The following FHIP1A variants were observed in gnomAD, a reference collection of about 807,000 sequenced individuals.
The protein encoded by FHIP1A is FHF complex subunit HOOK-interacting protein 1A.
FHIP1A carries 61 observed loss-of-function variants against 88.6 expected under a neutral mutation model. That is an observed-to-expected ratio of 0.69 (90% confidence interval 0.56 to 0.85). The LOEUF is 0.85. Among genes scored for constraint, FHIP1A ranks in the 40% least tolerant of loss-of-function variants. FHIP1A has a pLI of 0.00. For missense variants in FHIP1A, 1,154 were observed against 1,273.5 expected (o/e 0.91, Z 1.43); for synonymous variants, 478 against 496.0 (o/e 0.96, Z 0.48).
At chr4:151,641,764 A>G (rs1736596330) in intron 9 of FHIP1A, among the ~76,000 whole-genome samples, 1 of 152,232 alleles carries the variant, frequency 6.6e-6, no homozygotes, top group Non-Finnish European at 1.5e-5. Flanking sequence ...CCAATAAAAA[A>G]ATCTTTATTC....
intron 11 of FHIP1A, among the ~76,000 whole-genome samples, chr4:151,653,429 A>C (rs1381290882): frequency 6.6e-6 from 1 of 151,974 alleles, no homozygotes; most frequent in African/African-American, 2.4e-5. Context: ...GCATTGGGTA[A>C]GAGCACTGGA....
intron 2 of FHIP1A, among the ~76,000 whole-genome samples, chr4:151,465,334 TC>T (rs1168318883): frequency 2.8e-4 from 42 of 152,136 alleles, no homozygotes; most frequent in African/African-American, 9.9e-4. Flanking sequence ...CGAGATCGAA[TC>T]CCTGAAGAGA....
chr4:151,543,019 A>C (rs1332323419), intron 3 of FHIP1A, among the ~76,000 whole-genome samples: 1 of 152,194 alleles, frequency 6.6e-6, no homozygotes, highest in African/African-American at 2.4e-5. Context: ...TGCCCTTCTA[A>C]TAATTATGTT....
rs1344988984 is a variant in FHIP1A at position 151,662,763 on chromosome 4, T to TC, written c.*9_*10insC. ...AGGACTCCTGCTGTTAGCTTTTTTT[T>TC]TTTTTTTTAATAGAGGTTCTTGTTT... On this transcript the variant is annotated 3_prime_UTR_variant, in exon 14 of 14. Transcript: ENST00000435205. 6.8e-7 allele frequency: 1 copy of TC among 1,476,216 alleles called. No homozygotes were observed. Among genetic ancestry groups the TC allele is most frequent in the East Asian group, 2.5e-5 (1 of 39,550 alleles). The allele number at this position is 1,476,216 out of a possible 1,614,324, so 91.4% of individuals were successfully genotyped here.
chr4:151,650,239 C>T lies in FHIP1A; in HGVS notation c.2198C>T (p.Pro733Leu). ...AACTCAGAGTTAGCATCCCCTGCCC[C>T]TGAGGCAGAGCACAGCTCTAACCTG... The part of the protein sequence containing the change: ...ESNSELASPA[P>L]EAEHSSNLTA... The change falls in exon 11 of 14, where the codon CCT becomes CTT. Residue 733 changes from proline to leucine, a missense_variant. Physicochemically the swap from Pro to Leu is moderately conservative, Grantham distance 98. Transcript: ENST00000435205. The T allele has an allele frequency of 6.4e-7, 1 of 1,551,760 alleles. No individual in the cohort carries two copies.
chr4:151,631,180 A>T (rs1462306940), intron 8 of FHIP1A, among the ~76,000 whole-genome samples: 1 of 152,148 alleles, frequency 6.6e-6, no homozygotes, highest in East Asian at 1.9e-4. Context: ...AATTAAAAAA[A>T]TGGAGAAAAT....
chr4:151,591,674 C>G (rs929657984), intron 7 of FHIP1A, among the ~76,000 whole-genome samples: 4 of 152,166 alleles, frequency 2.6e-5, no homozygotes, highest in Non-Finnish European at 4.4e-5. Flanking sequence ...TCGTTCAACT[C>G]CCACTTATGA....
chr4:151,566,268 A>G lies in FHIP1A; in HGVS notation c.9A>G (p.Ser3=), dbSNP rs1303579084. ...TTGATTTATGAAGGCTTATGATGTC[A>G]TCGGTTTCGACAGAAAGCAAACTCC... MM[S]SVSTESKLQQ... Residue 3 remains serine, a synonymous_variant, in exon 4 of 14, where the codon TCA becomes TCG. Coordinates refer to ENST00000435205, the MANE Select transcript of FHIP1A (RefSeq NM_001109977.3). The G allele has an allele frequency of 1.9e-6, 3 of 1,548,274 alleles. No homozygotes were observed. The highest frequency in any genetic ancestry group is 2.4e-5 in the East Asian group (1 of 40,886).
intron 10 of FHIP1A, among the ~76,000 whole-genome samples, chr4:151,647,046 G>A (rs943418739): frequency 2.6e-5 from 4 of 152,252 alleles, no homozygotes; most frequent in South Asian, 4.2e-4. Context: ...GAAACAAGAC[G>A]GGGGTGAGAG....
At chr4:151,560,322 T>C (rs924953244) in intron 3 of FHIP1A, among the ~76,000 whole-genome samples, 1 of 152,184 alleles carries the variant, frequency 6.6e-6, no homozygotes, top group African/African-American at 2.4e-5. Context: ...TAATTCTGAT[T>C]GACAAAACTG....
At chr4:151,500,081 A>G (rs571697474) in intron 3 of FHIP1A, among the ~76,000 whole-genome samples, 66 of 152,318 alleles carry the variant, frequency 4.3e-4, no homozygotes, top group Non-Finnish European at 7.8e-4. Context: ...GTCTTTGACT[A>G]TTGTCAGGTA....
intron 7 of FHIP1A, among the ~76,000 whole-genome samples, chr4:151,600,537 T>A (rs569815522): frequency 3.3e-5 from 5 of 152,322 alleles, no homozygotes; most frequent in African/African-American, 1.2e-4. Context: ...TAGCACTGTA[T>A]AATAAACTAT....
chr4:151,494,167 TTGTC>T (rs1339089027), intron 3 of FHIP1A, among the ~76,000 whole-genome samples: 3 of 152,222 alleles, frequency 2.0e-5, no homozygotes, highest in Admixed American at 6.5e-5. Flanking sequence ...ATTCTGTAGT[TTGTC>T]TGTTTACTCT....
intron 3 of FHIP1A, among the ~76,000 whole-genome samples, chr4:151,546,292 G>A (rs1732499745): frequency 6.6e-6 from 1 of 152,100 alleles, no homozygotes; most frequent in Non-Finnish European, 1.5e-5. Flanking sequence ...TCAGGCCTTT[G>A]GCCTTAGACT....
chr4:151,426,205 G>A (rs1733368315), intron 1 of FHIP1A, among the ~76,000 whole-genome samples: 1 of 151,836 alleles, frequency 6.6e-6, no homozygotes, highest in African/African-American at 2.4e-5. Context: ...TCATTGTATG[G>A]GTCTCTCTAC....
chr4:151,605,072 A>G (rs1735021191), intron 7 of FHIP1A, among the ~76,000 whole-genome samples: 3 of 152,214 alleles, frequency 2.0e-5, no homozygotes, highest in African/African-American at 7.2e-5. Flanking sequence ...AGACCCGTAG[A>G]GAGTTGGCAG....
At chr4:151,529,459 A>G (rs2126709581) in intron 3 of FHIP1A, among the ~76,000 whole-genome samples, 1 of 152,314 alleles carries the variant, frequency 6.6e-6, no homozygotes, top group African/African-American at 2.4e-5. Flanking sequence ...AGGCTGAGCT[A>G]ATTCATGATT....
intron 2 of FHIP1A, among the ~76,000 whole-genome samples, chr4:151,478,699 T>C (rs1729796101): frequency 6.6e-6 from 1 of 152,132 alleles, no homozygotes; most frequent in African/African-American, 2.4e-5. Context: ...GTACTGTGTT[T>C]TGTGAATATT....
chr4:151,514,139 A>G (rs1731138319), intron 3 of FHIP1A, among the ~76,000 whole-genome samples: 1 of 152,234 alleles, frequency 6.6e-6, no homozygotes, highest in African/African-American at 2.4e-5. Flanking sequence ...AGAACTCAGG[A>G]TTAAGAAACT....
Sources: allele counts gnomAD v4.1 joint callset (sites outside exome capture counted in the v4.1 genomes callset), GRCh38; gene constraint gnomAD v4.1.1; transcripts MANE v1.5; gene names NCBI Gene and HGNC (gene_info 2026-07-23, HGNC 2026-07-21).